Variants in FRMD3 observed in about 807,000 individuals in gnomAD.
FRMD3 encodes FERM domain containing 3, also known as FERM domain-containing protein 3.
A neutral mutation model predicts 70.2 loss-of-function variants in FRMD3; 33 were observed. The observed-to-expected ratio is 0.47, with a 90% CI of 0.36 to 0.63. The LOEUF is 0.63. Ranked by LOEUF, FRMD3 falls within the 20% of genes least tolerant of loss-of-function variation. The pLI, the probability that FRMD3 is intolerant of heterozygous loss-of-function variation, is 0.00. For synonymous variants in FRMD3, 279 were observed against 255.9 expected (o/e 1.09, Z -0.86); for missense variants, 632 against 711.4 (o/e 0.89, Z 1.27).
At chr9:83,446,519 C>CAT (rs1554706561) in intron 1 of FRMD3, among the ~76,000 whole-genome samples, 1 of 151,802 alleles carries the variant, frequency 6.6e-6, no homozygotes, top group Non-Finnish European at 1.5e-5. Flanking sequence ...CGGTGGCGGG[C>CAT]GCCTGTAGTC....
the FRMD3 span, among the ~76,000 whole-genome samples, chr9:83,562,601 T>C: frequency 1.3e-5 from 2 of 152,232 alleles, no homozygotes; most frequent in Admixed American, 6.5e-5. Context: ...TTCTACACCT[T>C]AGCTGTCCTG....
intron 2 of FRMD3, among the ~76,000 whole-genome samples, chr9:83,384,055 GAT>G (rs1825438936): frequency 6.6e-6 from 1 of 152,114 alleles, no homozygotes; most frequent in South Asian, 2.1e-4. Context: ...AAGTTATCAC[GAT>G]AGTACTGTCT....
intron 1 of FRMD3, among the ~76,000 whole-genome samples, chr9:83,453,853 C>T (rs534661391): frequency 1.3e-5 from 2 of 151,564 alleles, no homozygotes; most frequent in African/African-American, 4.8e-5. Flanking sequence ...GTAGCTGGGA[C>T]TACAGGCGTC....
chr9:83,396,525 G>C (rs1446196171), intron 1 of FRMD3, among the ~76,000 whole-genome samples: 2 of 152,152 alleles, frequency 1.3e-5, no homozygotes, highest in East Asian at 3.9e-4. Flanking sequence ...TTGGTATGAG[G>C]GTAACCCCAC....
At chr9:83,500,809 G>T (rs1172172690) in intron 1 of FRMD3, among the ~76,000 whole-genome samples, 1 of 152,152 alleles carries the variant, frequency 6.6e-6, no homozygotes, top group Non-Finnish European at 1.5e-5. Context: ...GCGAGGAAAA[G>T]AGTGGAGAAT....
intron 1 of FRMD3, among the ~76,000 whole-genome samples, chr9:83,474,283 T>C (rs1828341363): frequency 6.6e-6 from 1 of 152,230 alleles, no homozygotes; most frequent in African/African-American, 2.4e-5. Flanking sequence ...ATCTGGAAGA[T>C]GAAAATAGGG....
chr9:83,373,825 A>T (rs3849865), intron 2 of FRMD3, among the ~76,000 whole-genome samples: 121 of 152,120 alleles, frequency 8.0e-4, no homozygotes, highest in African/African-American at 2.8e-3. Flanking sequence ...GAGGCATCCC[A>T]CCTGCTTGAT....
rs1467049337 is a variant in FRMD3, at chr9:83,423,055, T to C, written c.148-33347A>G. ...AGTTCTCCATGGGGACAGAGTAATATAAAGAAGAGTAAAGCCAATAAAAAA... is the reference window on the plus strand; with the variant it reads ...AGTTCTCCATGGGGACAGAGTAATACAAAGAAGAGTAAAGCCAATAAAAAA... On this transcript the variant is annotated intron_variant, in intron 1 of 13. Coordinates refer to ENST00000304195, the MANE Select transcript of FRMD3 (RefSeq NM_174938.6). 3.3e-5 allele frequency among the ~76,000 whole-genome samples: 5 copies of C among 152,114 alleles called. No homozygotes were observed. The South Asian group carries it at 6.2e-4, about 19-fold the overall frequency.
At chr9:83,309,449 A>G (rs1204585417) in intron 10 of FRMD3, 87 bp downstream of exon 10, 4 of 750,174 alleles carry the variant, frequency 5.3e-6, no homozygotes, top group Non-Finnish European at 8.8e-6. Context: ...CTGTATTAAA[A>G]GAAATAAATA....
chr9:83,563,966 T>C, the FRMD3 span, among the ~76,000 whole-genome samples: 2 of 152,178 alleles, frequency 1.3e-5, no homozygotes, highest in African/African-American at 2.4e-5. Flanking sequence ...ATTCTTACCT[T>C]ACAGTGCCAA....
intron 1 of FRMD3, among the ~76,000 whole-genome samples, chr9:83,395,374 G>A (rs1221203145): frequency 6.6e-6 from 1 of 151,486 alleles, no homozygotes; most frequent in East Asian, 1.9e-4. Flanking sequence ...GTGCAGGTTC[G>A]TTATACAGGT....
chr9:83,253,255 G>A (rs780143760), intron 13 of FRMD3, among the ~76,000 whole-genome samples: 4 of 152,116 alleles, frequency 2.6e-5, no homozygotes, highest in Admixed American at 6.5e-5. Flanking sequence ...TGAACAACCT[G>A]TTACTGAATG....
chr9:83,278,673 T>G, intron 13 of FRMD3, among the ~76,000 whole-genome samples: 1 of 152,144 alleles, frequency 6.6e-6, no homozygotes, highest in East Asian at 1.9e-4. Flanking sequence ...ATGACCCACG[T>G]GGACTGTCAA....
intron 2 of FRMD3, 124 bp downstream of exon 2, chr9:83,389,480 G>A: frequency 1.5e-6 from 1 of 681,288 alleles, no homozygotes. Flanking sequence ...GCTCACACAG[G>A]GTTTCATGTG....
rs898094819 is a variant in FRMD3, at chr9:83,335,578, A to G, written c.534T>C (p.Ile178=). 1.2e-6 allele frequency: 2 copies of G among 1,613,218 alleles called. No homozygotes were observed. Among genetic ancestry groups the G allele is most frequent in the African/African-American group, 2.7e-5 (2 of 74,884 alleles). ...CCAGCTTCTGTGACTGCTTGGGGAAAATCTCAAACTCACTGATGTAATTCT... is the reference window on the plus strand; with the variant it reads ...CCAGCTTCTGTGACTGCTTGGGGAAGATCTCAAACTCACTGATGTAATTCT... The part of the protein sequence containing the change: ...HPENYISEFE[I]FPKQSQKLER... The change falls in exon 6 of 14, where the codon ATT becomes ATC. Residue 178 remains isoleucine, a synonymous_variant. Transcript: ENST00000304195.
chr9:83,501,557 C>T (rs1457861306), intron 1 of FRMD3, among the ~76,000 whole-genome samples: 1 of 152,150 alleles, frequency 6.6e-6, no homozygotes, highest in Admixed American at 6.5e-5. Flanking sequence ...GATATAATTA[C>T]CTACATTTTT....
At chr9:83,454,320 A>G (rs942568729) in intron 1 of FRMD3, among the ~76,000 whole-genome samples, 3 of 152,228 alleles carry the variant, frequency 2.0e-5, no homozygotes, top group Admixed American at 6.5e-5. Context: ...GCCAGTGGGC[A>G]GCAGTAAATG....
chr9:83,263,712 A>G (rs1833096479), intron 13 of FRMD3, among the ~76,000 whole-genome samples: 1 of 152,228 alleles, frequency 6.6e-6, no homozygotes, highest in Non-Finnish European at 1.5e-5. Flanking sequence ...AAGAGTTTAA[A>G]AAGGTGTTGG....
At chr9:83,254,695 A>C (rs1832611965) in intron 13 of FRMD3, among the ~76,000 whole-genome samples, 1 of 152,230 alleles carries the variant, frequency 6.6e-6, no homozygotes, top group Admixed American at 6.5e-5. Flanking sequence ...TAAGGGGGAT[A>C]TCACCACTGA....
Sources: gnomAD v4.1 joint callset for allele counts (sites outside exome capture counted in the v4.1 genomes callset) on GRCh38, gnomAD v4.1.1 for gene constraint, MANE v1.5 for transcripts, NCBI Gene and HGNC (gene_info 2026-07-23, HGNC 2026-07-21) for gene names.